Variants in SLC24A2 observed in about 807,000 individuals in gnomAD.
SLC24A2 encodes sodium/potassium/calcium exchanger 2.
Under a neutral mutation model 62.0 loss-of-function variants are expected in SLC24A2, and 36 were observed. That is an observed-to-expected ratio of 0.58 (90% CI 0.44 to 0.77). The LOEUF is 0.77. SLC24A2 is among the 30% of genes least tolerant of loss of function. The pLI is 0.00. For missense variants in SLC24A2, 846 were observed against 817.9 expected (o/e 1.03, Z -0.42); for synonymous variants, 358 against 294.0 (o/e 1.22, Z -2.23).
At chr9:19,557,058 A>G (rs956294496) in intron 7 of SLC24A2, among the ~76,000 whole-genome samples, 1 of 152,194 alleles carries the variant, frequency 6.6e-6, no homozygotes, top group African/African-American at 2.4e-5. Context: ...TTTGATGGGT[A>G]GGGAACCTGA....
chr9:19,956,652 C>T, the SLC24A2 span, among the ~76,000 whole-genome samples: 1 of 152,130 alleles, frequency 6.6e-6, no homozygotes, highest in Non-Finnish European at 1.5e-5. Flanking sequence ...TTTTTAAAAC[C>T]ATCAGATCTC....
At chr9:19,606,965 C>T (rs1837001501) in intron 4 of SLC24A2, among the ~76,000 whole-genome samples, 1 of 152,108 alleles carries the variant, frequency 6.6e-6, no homozygotes, top group South Asian at 2.1e-4. Flanking sequence ...AGTGCAAATC[C>T]CAGATGGAAG....
the SLC24A2 span, among the ~76,000 whole-genome samples, chr9:20,255,331 G>C: frequency 1.3e-5 from 2 of 152,278 alleles, no homozygotes; most frequent in East Asian, 3.9e-4. Context: ...ATTAAACAGT[G>C]TAGTTTCCAG....
the SLC24A2 span, among the ~76,000 whole-genome samples, chr9:20,190,323 C>T: frequency 6.6e-6 from 1 of 152,066 alleles, no homozygotes; most frequent in Non-Finnish European, 1.5e-5. Flanking sequence ...CTTTTAGGGC[C>T]CATCCTCCTA....
chr9:19,801,031 A>C, the SLC24A2 span, among the ~76,000 whole-genome samples: 7 of 152,182 alleles, frequency 4.6e-5, no homozygotes, highest in Non-Finnish European at 1.0e-4. Context: ...TCCATAGCAA[A>C]AGTATTGTTA....
chr9:20,229,650 T>A, the SLC24A2 span, among the ~76,000 whole-genome samples: 1 of 152,268 alleles, frequency 6.6e-6, no homozygotes, highest in South Asian at 2.1e-4. Context: ...AGGCTCTCAT[T>A]ATACTATTAC....
chr9:19,708,725 C>T (rs1248828967), intron 2 of SLC24A2, among the ~76,000 whole-genome samples: 2 of 152,084 alleles, frequency 1.3e-5, no homozygotes, highest in African/African-American at 2.4e-5. Flanking sequence ...GAAACTGGAT[C>T]CCTTCCTTAC....
At chr9:19,803,726 A>G in the SLC24A2 span, among the ~76,000 whole-genome samples, 121,516 of 152,104 alleles carry the variant, frequency 0.8, 50,221 homozygotes, top group Non-Finnish European at 0.92. Flanking sequence ...TTAGAGAAAT[A>G]TTTGCACCTC....
chr9:19,878,898 A>T, the SLC24A2 span, among the ~76,000 whole-genome samples: 1 of 152,084 alleles, frequency 6.6e-6, no homozygotes, highest in East Asian at 1.9e-4. Context: ...AAAACCCCCA[A>T]TTATGCCACA....
At chr9:20,036,770 G>T in the SLC24A2 span, among the ~76,000 whole-genome samples, 1 of 151,910 alleles carries the variant, frequency 6.6e-6, no homozygotes, top group Non-Finnish European at 1.5e-5. Flanking sequence ...CACAATGCAG[G>T]ATGCTTGATT....
intron 8 of SLC24A2, among the ~76,000 whole-genome samples, chr9:19,535,319 G>A (rs1165631036): frequency 5.9e-5 from 9 of 152,120 alleles, no homozygotes; most frequent in Non-Finnish European, 4.4e-5. Context: ...TCACTCTAAT[G>A]GTAGTTCCTT....
chr9:20,252,456 T>C, the SLC24A2 span, among the ~76,000 whole-genome samples: 2 of 152,322 alleles, frequency 1.3e-5, no homozygotes, highest in Middle Eastern at 3.4e-3. Context: ...GCCATGCTTT[T>C]TGACACTTAG....
the SLC24A2 span, among the ~76,000 whole-genome samples, chr9:19,812,534 A>C: frequency 6.6e-6 from 1 of 152,194 alleles, no homozygotes; most frequent in South Asian, 2.1e-4. Context: ...ATGAATTCTA[A>C]TTATATAATA....
rs577430016 is a variant in SLC24A2 at position 19,509,309 on chromosome 9, C to T, written c.*6844G>A. On this transcript the variant is annotated 3_prime_UTR_variant, in exon 11 of 11. Coordinates refer to ENST00000341998, the MANE Select transcript of SLC24A2 (RefSeq NM_020344.4). Reference sequence around the variant, plus strand: ...ATGAATAATTTCTTTGATTTTCAAACAGTTTTATTAAAGCACACATCTAAA... The same window carrying T: ...ATGAATAATTTCTTTGATTTTCAAATAGTTTTATTAAAGCACACATCTAAA... 3.3e-5 allele frequency: 5 copies of T among 152,158 alleles called. No individual in the cohort carries two copies. The highest frequency in any genetic ancestry group is 1.2e-4 in the African/African-American group (5 of 41,526). 9.4% of individuals were successfully genotyped at this position (152,158 alleles called of 1,614,324 possible). A position where few individuals can be genotyped will look rare whatever the true frequency, so the allele number is the denominator to read the frequency against.
At chr9:19,546,861 G>T (rs571295898) in intron 8 of SLC24A2, among the ~76,000 whole-genome samples, 1 of 152,312 alleles carries the variant, frequency 6.6e-6, no homozygotes, top group Non-Finnish European at 1.5e-5. Context: ...AAAGACTGTG[G>T]GAAAAGCACA....
At chr9:20,093,028 A>G in the SLC24A2 span, among the ~76,000 whole-genome samples, 1 of 152,038 alleles carries the variant, frequency 6.6e-6, no homozygotes, top group African/African-American at 2.4e-5. Context: ...TTGTATTTAT[A>G]TAATATTTTG....
chr9:20,254,198 C>G, the SLC24A2 span, among the ~76,000 whole-genome samples: 1 of 152,164 alleles, frequency 6.6e-6, no homozygotes, highest in Non-Finnish European at 1.5e-5. Context: ...TGGATTGAGG[C>G]ACTTGGAATT....
At chr9:19,626,265 G>A (rs1349418830) in intron 2 of SLC24A2, among the ~76,000 whole-genome samples, 2 of 152,152 alleles carry the variant, frequency 1.3e-5, no homozygotes, top group South Asian at 2.1e-4. Flanking sequence ...ATAAAAATTA[G>A]GCCAATACTG....
chr9:20,061,445 C>G, the SLC24A2 span, among the ~76,000 whole-genome samples: 1 of 152,130 alleles, frequency 6.6e-6, no homozygotes, highest in Admixed American at 6.5e-5. Context: ...TGCCACCATG[C>G]CCAGCTAATT....
Sources: gnomAD v4.1 joint callset for allele counts (sites outside exome capture counted in the v4.1 genomes callset) on GRCh38, gnomAD v4.1.1 for gene constraint, MANE v1.5 for transcripts, NCBI Gene and HGNC (gene_info 2026-07-23, HGNC 2026-07-21) for gene names.